Variants in MORN4 observed in about 807,000 individuals in gnomAD.
MORN4 encodes the protein MORN repeat containing 4, also known as MORN repeat-containing protein 4.
Under a neutral mutation model 16.4 loss-of-function variants are expected in MORN4, and 8 were observed. The observed-to-expected ratio is 0.49, with a 90% CI of 0.29 to 0.88. The LOEUF (loss-of-function observed/expected upper bound fraction) is 0.88. Among genes scored for constraint, MORN4 ranks in the 40% least tolerant of loss-of-function variants. MORN4 has a pLI of 0.09. For synonymous variants in MORN4, 53 were observed against 68.9 expected (o/e 0.77, Z 1.14); for missense variants, 159 against 182.9 (o/e 0.87, Z 0.75).
upstream of MORN4, chr10:97,633,601 C>A (rs745997200): frequency 2.7e-5 from 35 of 1,288,856 alleles, no homozygotes; most frequent in Non-Finnish European, 3.5e-5. The surrounding 1 kb of genome is among the most constrained non-coding windows in gnomAD (Gnocchi z 4.5). Flanking sequence ...TGTGCGGGGC[C>A]GAGTGTTTGC....
chr10:97,618,804 T>C (rs565773136), intron 2 of MORN4, among the ~76,000 whole-genome samples: 154 of 151,632 alleles, frequency 1.0e-3, no homozygotes, highest in African/African-American at 3.3e-3. Context: ...TTTTTTTTTT[T>C]CCTCAGAGAG....
rs542317968 is a variant in MORN4, at chr10:97,628,311, G to A, written c.-31+5036C>T. ...AAATTTGGAAGGAGTTATTGCAGTG[G>A]GATTTGAGGAGTCATATTGACTACA... is the stretch of plus-strand genomic sequence containing the variant. On this transcript the variant is annotated intron_variant, in intron 1 of 4. Coordinates refer to ENST00000307450, the MANE Select transcript of MORN4 (RefSeq NM_178832.4). Among the ~76,000 whole-genome samples, 5 of 152,236 alleles carry A rather than the reference G, an allele frequency of 3.3e-5. No homozygotes were observed. In the East Asian group the frequency reaches 7.7e-4, roughly 24 times the overall value.
In MORN4 at chr10:97,617,591, G is replaced by A. The variant is rs191024120; in HGVS notation, c.68-269C>T. On this transcript the variant is annotated intron_variant, in intron 2 of 4. Transcript: ENST00000307450. ...TAAAAATAACAACAGCTGACCAGGC[G>A]CGGTAGCTTACACCTGTAATCCCAG... 1.1e-4 allele frequency among the ~76,000 whole-genome samples: 16 copies of A among 152,298 alleles called. No individual in the cohort carries two copies. The East Asian group carries it at 2.7e-3, about 26-fold the overall frequency.
chr10:97,619,421 T>C lies in MORN4; in HGVS notation c.67+166A>G, dbSNP rs893388290. The stretch of plus-strand genomic sequence containing the variant: ...TTGAATTAACAATAGCATTTTCAAA[T>C]TCCTTTATTTAATCCTAAAATGGAA... On this transcript the variant is annotated intron_variant, in intron 2 of 4. Transcript: ENST00000307450. 9 of 631,078 alleles carry C rather than the reference T, an allele frequency of 1.4e-5. No homozygotes were observed. The African/African-American group carries it at 1.6e-4, about 12-fold the overall frequency. 39.1% of individuals were successfully genotyped at this position (631,078 alleles called of 1,614,324 possible).
At chr10:97,623,490 C>A (rs1189721300) in intron 1 of MORN4, among the ~76,000 whole-genome samples, 1 of 152,176 alleles carries the variant, frequency 6.6e-6, no homozygotes, top group Non-Finnish European at 1.5e-5. Flanking sequence ...GAGTCTGACC[C>A]TCAGGCATCT....
At position 97,622,693 on chromosome 10, in the gene MORN4, C is replaced by CAAAAAA. The variant is rs1322656539; in HGVS notation, c.-30-3016_-30-3011dup. On this transcript the variant is annotated intron_variant, in intron 1 of 4. Coordinates refer to ENST00000307450, the MANE Select transcript of MORN4 (RefSeq NM_178832.4). ...TGGGCGACAGAGGGAGACCCTGTCT[C>CAAAAAA]AAAAAAAAAAAAAAAAACGGAAGAA... is the stretch of plus-strand genomic sequence containing the variant. Among the ~76,000 whole-genome samples, 20 of 55,872 alleles carry CAAAAAA rather than the reference C, an allele frequency of 3.6e-4. 1 individual carries two copies. In the East Asian group the frequency reaches 7.9e-3, roughly 22 times the overall value. 36.7% of individuals were successfully genotyped at this position (55,872 alleles called of 152,430 possible).
chr10:97,633,732 C>T, upstream of MORN4: 1 of 1,042,286 alleles, frequency 9.6e-7, no homozygotes, highest in South Asian at 1.6e-5. The surrounding 1 kb of genome is among the most constrained non-coding windows in gnomAD (Gnocchi z 4.5). Flanking sequence ...CCAAAGAAAA[C>T]CAAACCTGCG....
chr10:97,619,515 A>G (rs775056358), intron 2 of MORN4, 72 bp downstream of exon 2: 4 of 1,092,430 alleles, frequency 3.7e-6, no homozygotes, highest in Non-Finnish European at 5.7e-6. Context: ...AAAGTTGGCT[A>G]TATATCCTGA....
chr10:97,628,038 G>A (rs913209150), intron 1 of MORN4, among the ~76,000 whole-genome samples: 20 of 152,278 alleles, frequency 1.3e-4, no homozygotes, highest in African/African-American at 4.6e-4. Flanking sequence ...CAGTACAGAC[G>A]GGCATTTTGA....
At chr10:97,632,212 CTTTTTTTTTT>C (rs1162979185) in intron 1 of MORN4, among the ~76,000 whole-genome samples, 4 of 86,974 alleles carry the variant, frequency 4.6e-5, no homozygotes, top group African/African-American at 1.5e-4. Context: ...TAATACTCCC[CTTTTTTTTTT>C]TTTTTTTTTT....
At position 97,614,636 on chromosome 10, in the gene MORN4, A is replaced by G. The variant is rs1052177165; in HGVS notation, c.*1627T>C. The stretch of plus-strand genomic sequence containing the variant: ...AGAGAATAAATAGAGGCACACGGCT[A>G]TAACTTCCACCACAATCTGCTGTTG... On this transcript the variant is annotated 3_prime_UTR_variant, in exon 5 of 5. Transcript: ENST00000307450. 3.3e-5 allele frequency: 5 copies of G among 152,662 alleles called. No individual in the cohort carries two copies. Among genetic ancestry groups the G allele is most frequent in the African/African-American group, 1.2e-4 (5 of 41,456 alleles). 9.5% of individuals were successfully genotyped at this position (152,662 alleles called of 1,614,324 possible). A position where few individuals can be genotyped will look rare whatever the true frequency, so the allele number is the denominator to read the frequency against.
intron 1 of MORN4, among the ~76,000 whole-genome samples, chr10:97,621,562 G>A (rs1202452149): frequency 1.3e-5 from 2 of 152,194 alleles, no homozygotes; most frequent in Non-Finnish European, 2.9e-5. Context: ...ACCCTACAAT[G>A]TGACAAGGCA....
chr10:97,623,703 G>A (rs1452259259), intron 1 of MORN4, among the ~76,000 whole-genome samples: 1 of 151,564 alleles, frequency 6.6e-6, no homozygotes, highest in Non-Finnish European at 1.5e-5. Flanking sequence ...GCATGCCACT[G>A]CTCCCAGCTC....
intron 1 of MORN4, among the ~76,000 whole-genome samples, chr10:97,629,896 C>G (rs2041380007): frequency 6.6e-6 from 1 of 151,448 alleles, no homozygotes; most frequent in South Asian, 2.1e-4. Context: ...GTAGCTGGGA[C>G]TACAGGTGCT....
chr10:97,629,966 C>T (rs1468041346), intron 1 of MORN4, among the ~76,000 whole-genome samples: 9 of 148,094 alleles, frequency 6.1e-5, no homozygotes, highest in African/African-American at 2.2e-4. Flanking sequence ...TTGCTGTCTC[C>T]CAGGCTGGAG....
chr10:97,621,514 T>C (rs1307204148), intron 1 of MORN4, among the ~76,000 whole-genome samples: 1 of 152,064 alleles, frequency 6.6e-6, no homozygotes, highest in Non-Finnish European at 1.5e-5. Context: ...ATGAAGCAAA[T>C]TGTAAAAATG....
At chr10:97,619,075 A>G (rs2041264981) in intron 2 of MORN4, among the ~76,000 whole-genome samples, 3 of 152,238 alleles carry the variant, frequency 2.0e-5, no homozygotes, top group Admixed American at 2.0e-4. Flanking sequence ...CTGTAATCCC[A>G]GCACTTGGGG....
chr10:97,629,851 C>T (rs542083253), intron 1 of MORN4, among the ~76,000 whole-genome samples: 10 of 151,442 alleles, frequency 6.6e-5, no homozygotes, highest in African/African-American at 9.7e-5. Context: ...CTCCGCCTCC[C>T]GGGTTCAAGC....
chr10:97,624,748 T>G (rs1331336249), intron 1 of MORN4, among the ~76,000 whole-genome samples: 1 of 152,146 alleles, frequency 6.6e-6, no homozygotes, highest in Non-Finnish European at 1.5e-5. Flanking sequence ...GGAGTTTCAC[T>G]GTTATTCTTC....
Sources: gnomAD v4.1 joint callset for allele counts (sites outside exome capture counted in the v4.1 genomes callset) on GRCh38, gnomAD v4.1.1 for gene constraint, Gnocchi (gnomAD v3.1) non-coding constraint, MANE v1.5 for transcripts, NCBI Gene and HGNC (gene_info 2026-07-23, HGNC 2026-07-21) for gene names.